The following ECT2L variants were observed in gnomAD, a reference collection of about 807,000 sequenced individuals.
ECT2L encodes epithelial cell-transforming sequence 2 oncogene-like.
ECT2L carries 126 observed loss-of-function variants against 122.8 expected under a neutral mutation model. The ratio of observed to expected loss-of-function variants is 1.03; its 90% CI spans 0.89 to 1.19. The LOEUF is 1.19. Among genes scored for constraint, ECT2L ranks in the 50% most tolerant of loss-of-function variants. The pLI is 0.00. For missense variants in ECT2L, 1,012 were observed against 1,064.1 expected, an observed-to-expected ratio of 0.95 and a Z score of 0.68; for synonymous variants, 385 against 381.8, an observed-to-expected ratio of 1.01 and a Z score of -0.10.
intron 4 of ECT2L, among the ~76,000 whole-genome samples, chr6:138,818,370 C>T (rs1262890346): frequency 6.6e-6 from 1 of 152,164 alleles, no homozygotes; most frequent in Non-Finnish European, 1.5e-5. Context: ...TTCCATTCTT[C>T]CCACGCAGCC....
chr6:138,842,539 A>C (rs1777075943), intron 5 of ECT2L, among the ~76,000 whole-genome samples: 1 of 152,134 alleles, frequency 6.6e-6, no homozygotes, highest in South Asian at 2.1e-4. Flanking sequence ...TGGGAGGCCA[A>C]GGTGGGCGGA....
At position 138,844,451 on chromosome 6, in the gene ECT2L, C is replaced by T. The variant is rs1274811901; in HGVS notation, c.635C>T (p.Thr212Ile). 2 of 1,614,034 alleles carry T rather than the reference C, an allele frequency of 1.2e-6. No homozygotes were observed. Among genetic ancestry groups the T allele is most frequent in the Non-Finnish European group, 1.7e-6 (2 of 1,180,018 alleles). ...FKVRPPWVSG[T>I]CCSSVLKPRC... ...GTTCGACCCCCTTGGGTGAGTGGAACTTGCTGCTCTAGCGTGCTAAAGCCC... is the reference window on the plus strand; with the variant it reads ...GTTCGACCCCCTTGGGTGAGTGGAATTTGCTGCTCTAGCGTGCTAAAGCCC... Residue 212 changes from threonine (T) to isoleucine (I), a missense_variant, in exon 7 of 22, where the codon ACT becomes ATT. Transcript: ENST00000541398.
At chr6:138,882,652 T>G in intron 15 of ECT2L, 72 bp from the exon 16 acceptor site, 10 of 1,568,002 alleles carry the variant, frequency 6.4e-6, no homozygotes, top group Non-Finnish European at 8.7e-6. Context: ...CCCATGCTGA[T>G]GACAATGGAT....
At chr6:138,884,058 G>A (rs1582656362) in intron 16 of ECT2L, among the ~76,000 whole-genome samples, 1 of 152,114 alleles carries the variant, frequency 6.6e-6, no homozygotes, top group East Asian at 1.9e-4. Flanking sequence ...TAGAGACGGA[G>A]TTTCACCATG....
In ECT2L at chr6:138,808,457, C is replaced by T. The variant is rs575537928; in HGVS notation, c.-243-4381C>T. 5.3e-5 allele frequency among the ~76,000 whole-genome samples: 8 copies of T among 152,094 alleles called. No homozygotes were observed. In the East Asian group the frequency reaches 1.2e-3, roughly 22 times the overall value. ...AGACACATGGTCTTGCTATGTTGCACGGGCTAGTCTCAAACTCTCAGACTC... is the reference window on the plus strand; with the variant it reads ...AGACACATGGTCTTGCTATGTTGCATGGGCTAGTCTCAAACTCTCAGACTC... On this transcript the variant is annotated intron_variant, in intron 1 of 21. Coordinates refer to ENST00000541398, the MANE Select transcript of ECT2L (RefSeq NM_001077706.3).
chr6:138,831,116 TCAC>T lies in ECT2L; in HGVS notation c.180-7232_180-7230del, dbSNP rs1776637167. On this transcript the variant is annotated intron_variant, in intron 4 of 21. Coordinates refer to ENST00000541398, the MANE Select transcript of ECT2L (RefSeq NM_001077706.3). ...AGTTAGAAACCCAAGACTCATCTAA[TCAC>T]CACTTATCAATTTACCCCCAATATC... Among the ~76,000 whole-genome samples, 2 of 152,202 alleles carry T rather than the reference TCAC, an allele frequency of 1.3e-5. 1 individual carries two copies. The highest frequency in any genetic ancestry group is 4.1e-4 in the South Asian group (2 of 4,832).
chr6:138,849,669 A>G (rs1200395804), intron 9 of ECT2L, among the ~76,000 whole-genome samples: 2 of 151,400 alleles, frequency 1.3e-5, no homozygotes, highest in African/African-American at 2.4e-5. Flanking sequence ...CCCAGGCTCA[A>G]GTGATCTACC....
intron 1 of ECT2L, among the ~76,000 whole-genome samples, chr6:138,804,040 T>G (rs1016492717): frequency 1.3e-5 from 2 of 152,214 alleles, no homozygotes; most frequent in African/African-American, 2.4e-5. Flanking sequence ...AGAAAATCAC[T>G]GACAAGTGGT....
chr6:138,809,521 T>C (rs1225778502), intron 1 of ECT2L, among the ~76,000 whole-genome samples: 2 of 151,972 alleles, frequency 1.3e-5, no homozygotes, highest in African/African-American at 4.8e-5. Flanking sequence ...AATTTTCTCT[T>C]TTTTTTTGTT....
intron 13 of ECT2L, among the ~76,000 whole-genome samples, chr6:138,870,038 T>C (rs1016741531): frequency 6.6e-6 from 1 of 152,216 alleles, no homozygotes; most frequent in African/African-American, 2.4e-5. Flanking sequence ...TGAGCACTAG[T>C]CACTCTGTTT....
intron 9 of ECT2L, among the ~76,000 whole-genome samples, chr6:138,851,343 A>G (rs952619289): frequency 1.3e-5 from 2 of 151,958 alleles, no homozygotes; most frequent in African/African-American, 4.8e-5. Flanking sequence ...CATCATATCC[A>G]GCTAATTTCT....
rs199733102 is a variant in ECT2L, at chr6:138,823,585, G to C, written c.179+8982G>C. On this transcript the variant is annotated intron_variant, in intron 4 of 21. Transcript: ENST00000541398. ...ATCACCAGCTGCAACATGAGCAAAC[G>C]CATGGACATCGCCATCCAAGTCACA... The C allele has an allele frequency of 7.9e-3, 11,376 of 1,439,284 alleles. 2,055 individuals carry two copies. Among genetic ancestry groups the C allele is most frequent in the Middle Eastern group, 0.023 (125 of 5,436 alleles). The allele number at this position is 1,439,284 out of a possible 1,614,324, so 89.2% of individuals were successfully genotyped here.
chr6:138,846,431 C>T (rs1386061097), intron 7 of ECT2L, 108 bp from the exon 8 acceptor site: 34 of 1,050,548 alleles, frequency 3.2e-5, no homozygotes, highest in Non-Finnish European at 3.8e-5. Flanking sequence ...GCATGGAGGC[C>T]ACGTGCCTTG....
chr6:138,832,767 A>G (rs1776694644), intron 4 of ECT2L, among the ~76,000 whole-genome samples: 2 of 151,220 alleles, frequency 1.3e-5, no homozygotes, highest in Admixed American at 1.3e-4. Context: ...TTTTTAATTT[A>G]TAACTTGCTG....
chr6:138,796,531 C>T (rs1034274688), intron 1 of ECT2L, among the ~76,000 whole-genome samples: 1 of 152,066 alleles, frequency 6.6e-6, no homozygotes, highest in African/African-American at 2.4e-5. Context: ...TTCACACCAA[C>T]TGCCTTCTTC....
intron 20 of ECT2L, among the ~76,000 whole-genome samples, chr6:138,895,581 C>CT: frequency 6.6e-6 from 1 of 151,832 alleles, no homozygotes; most frequent in Non-Finnish European, 1.5e-5. Flanking sequence ...ATATATTTTT[C>CT]TTTTTCTGAG....
Position 138,833,542 on chromosome 6 carries a change from T to C in ECT2L, c.180-4810T>C, listed in dbSNP as rs531451347. On this transcript the variant is annotated intron_variant, in intron 4 of 21. Transcript: ENST00000541398. ...GCCTATGGTTCCCCTTGCCCTTGTGTCATCTCCTTTTGGCCCCATTAAAAC... is the reference window on the plus strand; with the variant it reads ...GCCTATGGTTCCCCTTGCCCTTGTGCCATCTCCTTTTGGCCCCATTAAAAC... Among the ~76,000 whole-genome samples the C allele has an allele frequency of 2.0e-5, 3 of 152,244 alleles. No individual in the cohort carries two copies. In the East Asian group the frequency reaches 5.8e-4, roughly 29 times the overall value.
rs1218018342 is a variant in ECT2L at position 138,903,272 on chromosome 6, A to T, written c.*645A>T. ...CTTGCGACGCTGAGGCAGGAGAAGA[A>T]TCACTTGTACCCGGGAGTCGGAGGT... On this transcript the variant is annotated 3_prime_UTR_variant, in exon 22 of 22. Coordinates refer to ENST00000541398, the MANE Select transcript of ECT2L (RefSeq NM_001077706.3). 6.6e-6 allele frequency: 1 copy of T among 152,094 alleles called. No individual in the cohort carries two copies. Among genetic ancestry groups the T allele is most frequent in the Non-Finnish European group, 1.5e-5 (1 of 68,060 alleles). The allele number at this position is 152,094 out of a possible 1,614,324, so 9.4% of individuals were successfully genotyped here.
intron 5 of ECT2L, among the ~76,000 whole-genome samples, chr6:138,840,933 C>A (rs1019247151): frequency 6.6e-6 from 1 of 152,138 alleles, no homozygotes; most frequent in African/African-American, 2.4e-5. Context: ...CTTTCATATT[C>A]TTTTATACAC....
Sources: gnomAD v4.1 joint callset for allele counts (sites outside exome capture counted in the v4.1 genomes callset) on GRCh38, gnomAD v4.1.1 for gene constraint, MANE v1.5 for transcripts, NCBI Gene and HGNC (gene_info 2026-07-23, HGNC 2026-07-21) for gene names.